The following CDH18 variants were observed in gnomAD, a reference collection of about 807,000 sequenced individuals.
CDH18 encodes cadherin-18.
Under a neutral mutation model 67.9 loss-of-function variants are expected in CDH18, and 31 were observed. The observed-to-expected ratio is 0.46, with a 90% CI of 0.34 to 0.62. The LOEUF is 0.62. CDH18 is among the 20% of genes least tolerant of loss of function. The probability of loss-of-function intolerance (pLI) is 0.01; values close to 1 mark genes in which losing one functional copy is unlikely to be tolerated. For missense variants in CDH18, 890 were observed against 975.5 expected (o/e 0.91, Z 1.17); for synonymous variants, 362 against 347.2 (o/e 1.04, Z -0.48).
chr5:20,138,659 A>G (rs1749957831), intron 2 of CDH18, among the ~76,000 whole-genome samples: 1 of 152,200 alleles, frequency 6.6e-6, no homozygotes, highest in Non-Finnish European at 1.5e-5. Context: ...AAACATTCCT[A>G]TACACCAATA....
chr5:20,316,892 A>G (rs2149999259), intron 1 of CDH18, among the ~76,000 whole-genome samples: 1 of 152,128 alleles, frequency 6.6e-6, no homozygotes, highest in Non-Finnish European at 1.5e-5. Context: ...TCATTACTGG[A>G]TATTTTATGC....
intron 2 of CDH18, among the ~76,000 whole-genome samples, chr5:20,204,691 TA>T (rs1282921439): frequency 6.6e-6 from 1 of 151,926 alleles, no homozygotes; most frequent in Non-Finnish European, 1.5e-5. Flanking sequence ...GTAGCTACAG[TA>T]ACCTGTTAAG....
At chr5:19,966,764 A>G (rs1797479531) in intron 2 of CDH18, among the ~76,000 whole-genome samples, 1 of 152,068 alleles carries the variant, frequency 6.6e-6, no homozygotes, top group Non-Finnish European at 1.5e-5. Context: ...ACAATAAATA[A>G]TGAAGAAATA....
chr5:19,692,418 A>C, intron 5 of CDH18, among the ~76,000 whole-genome samples: 1 of 152,160 alleles, frequency 6.6e-6, no homozygotes, highest in East Asian at 1.9e-4. Context: ...TGCTCAGCAG[A>C]ATAAATAATC....
chr5:20,370,473 T>A lies in CDH18; in HGVS notation c.-579-114968A>T, dbSNP rs564494680. ...AGTGCTGAGGCTTTTTGTCTAGTGT[T>A]TTTTGACCGTTACCCATAGCCTTAC... On this transcript the variant is annotated intron_variant, in intron 1 of 14. Transcript: ENST00000507958. 5.8e-3 allele frequency among the ~76,000 whole-genome samples: 878 copies of A among 152,242 alleles called. 5 individuals are homozygous for A. The highest frequency in any genetic ancestry group is 0.02 in the Middle Eastern group (6 of 294).
At chr5:20,292,759 T>C (rs1580682403) in intron 1 of CDH18, among the ~76,000 whole-genome samples, 1 of 152,138 alleles carries the variant, frequency 6.6e-6, no homozygotes, top group Non-Finnish European at 1.5e-5. Context: ...TCTGCCTCAA[T>C]CATCACATGG....
intron 5 of CDH18, among the ~76,000 whole-genome samples, chr5:19,618,557 C>T (rs190296230): frequency 1.4e-3 from 220 of 152,186 alleles, no homozygotes; most frequent in African/African-American, 5.0e-3. Context: ...ATTCATTTAA[C>T]ATCTATTATT....
chr5:20,265,196 C>T (rs1744939717), intron 1 of CDH18, among the ~76,000 whole-genome samples: 1 of 152,062 alleles, frequency 6.6e-6, no homozygotes, highest in South Asian at 2.1e-4. Flanking sequence ...TCTTTAACTA[C>T]ACTTTCTGTT....
At chr5:20,215,484 C>T (rs1740696216) in intron 2 of CDH18, among the ~76,000 whole-genome samples, 1 of 151,426 alleles carries the variant, frequency 6.6e-6, no homozygotes, top group African/African-American at 2.4e-5. Flanking sequence ...AAACCAGATG[C>T]TGACAAGGTT....
At chr5:19,498,212 C>A (rs1281314936) in intron 11 of CDH18, among the ~76,000 whole-genome samples, 1 of 152,074 alleles carries the variant, frequency 6.6e-6, no homozygotes, top group Admixed American at 6.6e-5. Context: ...CAAATAAATA[C>A]GTCTTTTCAA....
chr5:20,490,949 AC>A (rs1233621002), intron 1 of CDH18, among the ~76,000 whole-genome samples: 1 of 152,136 alleles, frequency 6.6e-6, no homozygotes, highest in African/African-American at 2.4e-5. Context: ...GGTATCCTTA[AC>A]ATTTTAAGTC....
At chr5:19,994,855 T>TATAGAG (rs760777430) in intron 2 of CDH18, among the ~76,000 whole-genome samples, 1,192 of 67,572 alleles carry the variant, frequency 0.018, 169 homozygotes, top group Middle Eastern at 0.035. Context: ...TATATATATA[T>TATAGAG]AGAGAGAGAG....
At position 20,129,571 on chromosome 5, in the gene CDH18, C is replaced by T. The variant is rs185921875; in HGVS notation, c.-518+125873G>A. On this transcript the variant is annotated intron_variant, in intron 2 of 14. Transcript: ENST00000507958. ...ATGTGAGTTGATTTGACATGTACCT[C>T]TTATGATCAGAAGCTTAAAGAGACA... 2.6e-3 allele frequency among the ~76,000 whole-genome samples: 401 copies of T among 152,120 alleles called. 6 individuals are homozygous for T. Among genetic ancestry groups the T allele is most frequent in the Non-Finnish European group, 3.5e-3 (235 of 67,964 alleles).
chr5:20,409,972 T>C (rs1243556186), intron 1 of CDH18, among the ~76,000 whole-genome samples: 2 of 151,702 alleles, frequency 1.3e-5, no homozygotes, highest in African/African-American at 4.8e-5. Context: ...GGATTTATAA[T>C]AAGAAGATTA....
rs777265512 is a variant in CDH18 at position 20,519,942 on chromosome 5, C to CTTTTTTTTTTT, written c.-580+55509_-580+55519dup. Among the ~76,000 whole-genome samples the CTTTTTTTTTTT allele has an allele frequency of 2.4e-3, 98 of 41,688 alleles. 21 individuals are homozygous for CTTTTTTTTTTT. The highest frequency in any genetic ancestry group is 3.7e-3 in the African/African-American group (42 of 11,258). 27.3% of individuals were successfully genotyped at this position (41,688 alleles called of 152,430 possible). ...AGGCTGGAGTACAACACAGTCTTGG[C>CTTTTTTTTTTT]TTTTTTTTTTTTTTTTTTTTTTTTT... is the stretch of plus-strand genomic sequence containing the variant. On this transcript the variant is annotated intron_variant, in intron 1 of 14. Transcript: ENST00000507958.
intron 9 of CDH18, among the ~76,000 whole-genome samples, chr5:19,533,130 T>C (rs1306404036): frequency 6.6e-6 from 1 of 152,200 alleles, no homozygotes; most frequent in East Asian, 1.9e-4. Context: ...TAAAACTTGG[T>C]GTCTCACAAT....
chr5:20,088,837 T>G (rs1037262866), intron 2 of CDH18, among the ~76,000 whole-genome samples: 2 of 152,194 alleles, frequency 1.3e-5, no homozygotes, highest in African/African-American at 4.8e-5. Context: ...GTGATCACAA[T>G]ACCAGTAGCT....
chr5:20,130,365 A>G (rs1749167887), intron 2 of CDH18, among the ~76,000 whole-genome samples: 1 of 149,572 alleles, frequency 6.7e-6, no homozygotes, highest in African/African-American at 2.5e-5. Flanking sequence ...TGTTTCTCCA[A>G]TCCAAAGGCA....
At chr5:19,577,449 G>C (rs542475920) in intron 7 of CDH18, among the ~76,000 whole-genome samples, 1 of 152,138 alleles carries the variant, frequency 6.6e-6, no homozygotes, top group Non-Finnish European at 1.5e-5. Flanking sequence ...TTTTCCCCCT[G>C]TTGGAATGTC....
Sources: allele counts gnomAD v4.1 joint callset (sites outside exome capture counted in the v4.1 genomes callset), GRCh38; gene constraint gnomAD v4.1.1; transcripts MANE v1.5; gene names NCBI Gene and HGNC (gene_info 2026-07-23, HGNC 2026-07-21).